The following MACROD2 variants were observed in gnomAD, a reference collection of about 807,000 sequenced individuals.
MACROD2 encodes ADP-ribose glycohydrolase MACROD2.
A neutral mutation model predicts 70.4 loss-of-function variants in MACROD2; 36 were observed. The observed-to-expected ratio is 0.51, with a 90% CI of 0.39 to 0.68. The LOEUF is 0.68. MACROD2 is among the 30% of genes least tolerant of loss of function. The pLI is 0.00. For synonymous variants in MACROD2, 172 were observed against 178.8 expected (o/e 0.96, Z 0.30); for missense variants, 496 against 538.4 (o/e 0.92, Z 0.78).
At chr20:14,535,505 CAAAAAAAAAAAA>C (rs11357982) in intron 4 of MACROD2, among the ~76,000 whole-genome samples, 2 of 62,990 alleles carry the variant, frequency 3.2e-5, no homozygotes, top group Middle Eastern at 0.012. Flanking sequence ...AACTCCGTCT[CAAAAAAAAAAAA>C]AAAAAAAAAA....
chr20:14,284,828 G>C (rs1036057703), intron 3 of MACROD2, among the ~76,000 whole-genome samples: 1 of 151,856 alleles, frequency 6.6e-6, no homozygotes, highest in Non-Finnish European at 1.5e-5. Context: ...TTATTTTGGA[G>C]AGTTCACACT....
At chr20:14,612,129 A>T (rs1017469393) in intron 4 of MACROD2, among the ~76,000 whole-genome samples, 1 of 152,156 alleles carries the variant, frequency 6.6e-6, no homozygotes, top group Non-Finnish European at 1.5e-5. Context: ...TTAGGTGTAA[A>T]TTATCTAGCC....
chr20:14,120,472 C>T (rs2054573180), intron 3 of MACROD2, among the ~76,000 whole-genome samples: 1 of 151,756 alleles, frequency 6.6e-6, no homozygotes, highest in African/African-American at 2.4e-5. Flanking sequence ...GGTTATTCCA[C>T]AAGGATCTAG....
At chr20:15,330,936 T>TCA (rs2077984997) in intron 6 of MACROD2, among the ~76,000 whole-genome samples, 1 of 151,814 alleles carries the variant, frequency 6.6e-6, no homozygotes, top group South Asian at 2.1e-4. Context: ...CTCTTACTTG[T>TCA]GGCTTGCATA....
intron 6 of MACROD2, among the ~76,000 whole-genome samples, chr20:15,354,767 C>T (rs1351339113): frequency 6.6e-6 from 1 of 152,122 alleles, no homozygotes; most frequent in Non-Finnish European, 1.5e-5. Flanking sequence ...GATTATTATG[C>T]AGCCATTACA....
chr20:15,910,483 C>T (rs1291062111), intron 10 of MACROD2, among the ~76,000 whole-genome samples: 7 of 151,092 alleles, frequency 4.6e-5, no homozygotes, highest in Non-Finnish European at 8.8e-5. Context: ...TAGATGAGGA[C>T]GTAGGACCAC....
chr20:14,223,808 T>C (rs1453859382), intron 3 of MACROD2, among the ~76,000 whole-genome samples: 5 of 152,116 alleles, frequency 3.3e-5, no homozygotes, highest in African/African-American at 1.2e-4. Context: ...TCTACATTCT[T>C]CATATTGGGA....
chr20:14,271,118 C>T (rs572180177), intron 3 of MACROD2, among the ~76,000 whole-genome samples: 1 of 152,316 alleles, frequency 6.6e-6, no homozygotes, highest in African/African-American at 2.4e-5. Flanking sequence ...ATGTCCCTGT[C>T]TGACAGGTTT....
chr20:15,952,107 GC>G (rs1418859948), intron 12 of MACROD2, among the ~76,000 whole-genome samples: 1 of 151,378 alleles, frequency 6.6e-6, no homozygotes, highest in Non-Finnish European at 1.5e-5. Flanking sequence ...CTCTCTCTTT[GC>G]CTGCCACCAT....
chr20:14,204,596 G>C (rs1330709167), intron 3 of MACROD2, among the ~76,000 whole-genome samples: 1 of 152,212 alleles, frequency 6.6e-6, no homozygotes. Flanking sequence ...TCTGCAATGG[G>C]AATGTGGACT....
At chr20:15,248,401 T>C (rs535373661) in intron 6 of MACROD2, among the ~76,000 whole-genome samples, 1 of 152,338 alleles carries the variant, frequency 6.6e-6, no homozygotes, top group South Asian at 2.1e-4. Flanking sequence ...CCTACTTGGC[T>C]GTTTCTTCTC....
At chr20:14,972,145 G>C (rs2122804675) in intron 5 of MACROD2, among the ~76,000 whole-genome samples, 1 of 152,376 alleles carries the variant, frequency 6.6e-6, no homozygotes, top group Non-Finnish European at 1.5e-5. Flanking sequence ...GGGGCAGGAA[G>C]CAGAAAATGC....
At chr20:15,950,331 A>C (rs2065886588) in intron 12 of MACROD2, among the ~76,000 whole-genome samples, 1 of 152,176 alleles carries the variant, frequency 6.6e-6, no homozygotes, top group Non-Finnish European at 1.5e-5. Context: ...GACTGTACTC[A>C]GGGCAGGTGG....
rs529581727 is a variant in MACROD2, at chr20:14,226,543, C to T, written c.271+140815C>T. Among the ~76,000 whole-genome samples, 34 of 152,244 alleles carry T rather than the reference C, an allele frequency of 2.2e-4. 1 individual carries two copies. In the East Asian group the frequency reaches 6.4e-3, roughly 29 times the overall value. On this transcript the variant is annotated intron_variant, in intron 3 of 17. Transcript: ENST00000684519. ...GAGCGGGAACCGGGGCTGCGCGCGG[C>T]GCTTGCGGGCCAGCTGGAGTTCCGG...
intron 3 of MACROD2, among the ~76,000 whole-genome samples, chr20:14,470,221 C>T (rs2123044035): frequency 6.6e-6 from 1 of 152,256 alleles, no homozygotes; most frequent in South Asian, 2.1e-4. Context: ...TGGAGGTCCA[C>T]TGCAGACCCT....
chr20:14,907,161 C>T (rs2073968830), intron 5 of MACROD2, among the ~76,000 whole-genome samples: 1 of 152,176 alleles, frequency 6.6e-6, no homozygotes, highest in African/African-American at 2.4e-5. Context: ...TGGCAATAAC[C>T]TGACAACCCA....
intron 5 of MACROD2, among the ~76,000 whole-genome samples, chr20:15,042,671 G>A (rs945046096): frequency 2.6e-4 from 39 of 152,028 alleles, no homozygotes; most frequent in Admixed American, 2.6e-3. Flanking sequence ...GAAGGTCCCT[G>A]TCTTAGCACC....
chr20:15,328,063 A>G (rs2077951408), intron 6 of MACROD2, among the ~76,000 whole-genome samples: 1 of 152,098 alleles, frequency 6.6e-6, no homozygotes, highest in Non-Finnish European at 1.5e-5. Flanking sequence ...AAGGATCAGA[A>G]GGGTCAAATA....
At chr20:14,276,005 A>T (rs75938601) in intron 3 of MACROD2, among the ~76,000 whole-genome samples, 8 of 151,194 alleles carry the variant, frequency 5.3e-5, no homozygotes, top group African/African-American at 1.9e-4. Context: ...GTGGAGAAAT[A>T]GGAACACTTT....
Sources: allele counts gnomAD v4.1 joint callset (sites outside exome capture counted in the v4.1 genomes callset), GRCh38; gene constraint gnomAD v4.1.1; transcripts MANE v1.5; gene names NCBI Gene and HGNC (gene_info 2026-07-23, HGNC 2026-07-21).